Variants in GPHN observed in about 807,000 individuals in gnomAD.
GPHN encodes gephyrin.
A neutral mutation model predicts 95.5 loss-of-function variants in GPHN; 17 were observed. That is an observed-to-expected ratio of 0.18 (90% CI 0.12 to 0.27). GPHN has a LOEUF of 0.27. GPHN is among the 10% of genes least tolerant of loss of function. The pLI is 1.00. For synonymous variants in GPHN, 320 were observed against 322.5 expected (o/e 0.99, Z 0.08); for missense variants, 660 against 978.1 (o/e 0.67, Z 4.34).
chr14:67,650,777 G>A, the GPHN span: 36 of 1,614,006 alleles, frequency 2.2e-5, no homozygotes, highest in Non-Finnish European at 2.8e-5. Context: ...AGAGGAAGAG[G>A]CGAAGACTAC....
chr14:66,595,916 T>C (rs1208788304), intron 1 of GPHN, among the ~76,000 whole-genome samples: 1 of 152,172 alleles, frequency 6.6e-6, no homozygotes, highest in South Asian at 2.1e-4. Context: ...GAATGAGTTA[T>C]GTGGACAAGT....
intron 13 of GPHN, among the ~76,000 whole-genome samples, chr14:67,107,798 G>C (rs2078132671): frequency 6.6e-6 from 1 of 152,160 alleles, no homozygotes; most frequent in African/African-American, 2.4e-5. Context: ...CCCAGAGAGG[G>C]GGGTATCTCA....
Position 67,122,383 on chromosome 14 carries a change from T to C in GPHN, c.1748+6T>C, listed in dbSNP as rs1251837007. On this transcript the variant is annotated splice_donor_region_variant and intron_variant, in intron 17 of 22. Coordinates refer to ENST00000478722, the MANE Select transcript of GPHN (RefSeq NM_020806.5). ...TTGGGTATTGTAGGAGACAAGTAAG[T>C]ATTTGATGTCATTCTGAAAAGTTTG... The C allele has an allele frequency of 6.2e-7, 1 of 1,612,102 alleles. No individual in the cohort carries two copies. Among genetic ancestry groups the C allele is most frequent in the South Asian group, 1.1e-5 (1 of 91,044 alleles).
chr14:66,676,159 C>A (rs2066576137), intron 1 of GPHN, among the ~76,000 whole-genome samples: 1 of 152,024 alleles, frequency 6.6e-6, no homozygotes, highest in African/African-American at 2.4e-5. Flanking sequence ...CCCCAACCTC[C>A]CCTCTTTTGG....
At chr14:67,193,528 G>T in the GPHN span, among the ~76,000 whole-genome samples, 2 of 139,704 alleles carry the variant, frequency 1.4e-5, no homozygotes, top group Non-Finnish European at 3.1e-5. Flanking sequence ...TCTAGATATA[G>T]ATCTATAGAA....
chr14:67,551,972 C>T, the GPHN span, among the ~76,000 whole-genome samples: 1 of 152,192 alleles, frequency 6.6e-6, no homozygotes, highest in Non-Finnish European at 1.5e-5. Context: ...CACAGCAGGA[C>T]TGTGCTGGGA....
the GPHN span, among the ~76,000 whole-genome samples, chr14:67,296,460 G>A: frequency 6.6e-6 from 1 of 151,674 alleles, no homozygotes; most frequent in Non-Finnish European, 1.5e-5. Context: ...AATTAGGCGG[G>A]TGTGGTGGTA....
At chr14:67,641,251 G>A in the GPHN span, among the ~76,000 whole-genome samples, 2 of 152,150 alleles carry the variant, frequency 1.3e-5, no homozygotes, top group African/African-American at 4.8e-5. Flanking sequence ...CAAGTTTTGT[G>A]TTTAGACTTG....
At chr14:67,049,001 A>T (rs1161121159) in intron 10 of GPHN, among the ~76,000 whole-genome samples, 2 of 152,062 alleles carry the variant, frequency 1.3e-5, no homozygotes, top group Admixed American at 6.5e-5. Flanking sequence ...TACCTTTTTT[A>T]AAATGTTTCA....
chr14:66,915,954 C>T (rs748389275), intron 5 of GPHN, 49 bp from the exon 6 acceptor site: 22 of 960,762 alleles, frequency 2.3e-5, no homozygotes, highest in South Asian at 3.8e-5. Flanking sequence ...GTATTTAAAC[C>T]GGGCATTCAT....
the GPHN span, among the ~76,000 whole-genome samples, chr14:67,281,506 A>G: frequency 3.9e-5 from 6 of 151,924 alleles, no homozygotes; most frequent in African/African-American, 7.2e-5. Context: ...CCACCACTCT[A>G]TTATTATTTA....
the GPHN span, chr14:67,278,996 TC>T: frequency 1.4e-5 from 8 of 570,452 alleles, no homozygotes; most frequent in Admixed American, 3.7e-5. Context: ...TACACTTTTT[TC>T]CCCCCCATCT....
At chr14:66,816,038 C>A (rs879120843) in intron 3 of GPHN, among the ~76,000 whole-genome samples, 48 of 151,982 alleles carry the variant, frequency 3.2e-4, no homozygotes, top group African/African-American at 1.2e-3. Context: ...GACTTTAAAC[C>A]AACAAAGGTT....
At chr14:67,358,995 C>T in the GPHN span, among the ~76,000 whole-genome samples, 135 of 152,288 alleles carry the variant, frequency 8.9e-4, no homozygotes, top group African/African-American at 3.1e-3. Context: ...GACACATAAA[C>T]AAATATCTAC....
intron 13 of GPHN, among the ~76,000 whole-genome samples, chr14:67,108,148 A>G (rs2078154394): frequency 6.6e-6 from 1 of 152,188 alleles, no homozygotes; most frequent in Non-Finnish European, 1.5e-5. Context: ...ACCACATCTT[A>G]GTCTGAAGGA....
At chr14:67,679,724 T>C in the GPHN span, among the ~76,000 whole-genome samples, 11 of 152,144 alleles carry the variant, frequency 7.2e-5, no homozygotes, top group African/African-American at 2.7e-4. Context: ...AGTTTTATAA[T>C]TTTATAATTC....
the GPHN span, among the ~76,000 whole-genome samples, chr14:67,412,761 T>G: frequency 1.3e-5 from 2 of 152,086 alleles, no homozygotes; most frequent in Non-Finnish European, 2.9e-5. Context: ...ATTGGTTTTT[T>G]GGGGTTTTTT....
the GPHN span, among the ~76,000 whole-genome samples, chr14:67,254,723 A>C: frequency 1.0e-3 from 159 of 152,216 alleles, no homozygotes; most frequent in African/African-American, 3.6e-3. Context: ...CTATCCCCCC[A>C]CCTGCCTTTA....
chr14:67,110,511 T>G (rs1158002392), intron 14 of GPHN, among the ~76,000 whole-genome samples: 1 of 152,156 alleles, frequency 6.6e-6, no homozygotes, highest in Non-Finnish European at 1.5e-5. Flanking sequence ...TTGAATCATA[T>G]TTGACCCAAG....
Sources: allele counts gnomAD v4.1 joint callset (sites outside exome capture counted in the v4.1 genomes callset), GRCh38; gene constraint gnomAD v4.1.1; transcripts MANE v1.5; gene names NCBI Gene and HGNC (gene_info 2026-07-23, HGNC 2026-07-21).